Variants in CACNA2D3 observed in about 807,000 individuals in gnomAD.
The protein encoded by CACNA2D3 is calcium voltage-gated channel auxiliary subunit alpha2delta 3.
Under a neutral mutation model 160.6 loss-of-function variants are expected in CACNA2D3, and 60 were observed. The ratio of observed to expected loss-of-function variants is 0.37; its 90% CI spans 0.30 to 0.46. CACNA2D3 has a LOEUF of 0.46. Among genes scored for constraint, CACNA2D3 ranks in the 20% least tolerant of loss-of-function variants. The pLI is 1.00. For missense variants in CACNA2D3, 1,205 were observed against 1,365.0 expected, an observed-to-expected ratio of 0.88 and a Z score of 1.85; for synonymous variants, 558 against 492.9, an observed-to-expected ratio of 1.13 and a Z score of -1.75.
At chr3:54,427,402 G>C (rs1169870892) in intron 4 of CACNA2D3, among the ~76,000 whole-genome samples, 2 of 152,058 alleles carry the variant, frequency 1.3e-5, no homozygotes, top group Non-Finnish European at 2.9e-5. Flanking sequence ...ATCATGCTTG[G>C]TGTGCACTCC....
intron 27 of CACNA2D3, among the ~76,000 whole-genome samples, chr3:54,939,479 G>C (rs1290058483): frequency 1.3e-5 from 2 of 152,200 alleles, no homozygotes; most frequent in Non-Finnish European, 2.9e-5. Flanking sequence ...CACCTTTGTA[G>C]GTTCCCGCTG....
intron 17 of CACNA2D3, among the ~76,000 whole-genome samples, chr3:54,848,449 T>C (rs988925699): frequency 6.6e-6 from 1 of 152,212 alleles, no homozygotes; most frequent in Non-Finnish European, 1.5e-5. Context: ...ATATTCTGTT[T>C]GTGAGAACCC....
intron 13 of CACNA2D3, among the ~76,000 whole-genome samples, chr3:54,809,575 C>T (rs1396566346): frequency 3.3e-5 from 5 of 150,168 alleles, no homozygotes; most frequent in African/African-American, 1.3e-4. Context: ...GCCTCGGCCT[C>T]CCAAAGTGCT....
chr3:54,958,430 T>C (rs1701955068), intron 27 of CACNA2D3, among the ~76,000 whole-genome samples: 1 of 152,114 alleles, frequency 6.6e-6, no homozygotes, highest in African/African-American at 2.4e-5. Flanking sequence ...AAAGTCAGTT[T>C]ATTCCCTACA....
chr3:54,753,871 G>C (rs1401047240), intron 12 of CACNA2D3, among the ~76,000 whole-genome samples: 2 of 152,050 alleles, frequency 1.3e-5, no homozygotes, highest in Non-Finnish European at 2.9e-5. Context: ...TTATTTATTT[G>C]TGATGAGAAT....
In CACNA2D3 at chr3:54,885,593, A is replaced by G. The variant is rs1699904779; in HGVS notation, c.2056+7A>G. 6.2e-7 allele frequency: 1 copy of G among 1,606,078 alleles called. No individual in the cohort carries two copies. The highest frequency in any genetic ancestry group is 8.5e-7 in the Non-Finnish European group (1 of 1,174,188). ...AAAGAACCTCTGCTCCAGTGTGAGT[A>G]TGCTTTCAAAAGTGTGCTGTGCCTT... On this transcript the variant is annotated splice_region_variant and intron_variant, in intron 23 of 37. Coordinates refer to ENST00000474759, the MANE Select transcript of CACNA2D3 (RefSeq NM_018398.3).
chr3:54,587,383 C>T (rs1488538214), intron 9 of CACNA2D3, among the ~76,000 whole-genome samples: 6 of 151,934 alleles, frequency 3.9e-5, no homozygotes, highest in Admixed American at 3.9e-4. Context: ...ATTGTGAAAC[C>T]CTGTCTCTAC....
intron 9 of CACNA2D3, among the ~76,000 whole-genome samples, chr3:54,598,489 A>C (rs1474024192): frequency 1.3e-5 from 2 of 152,140 alleles, no homozygotes; most frequent in Non-Finnish European, 2.9e-5. Flanking sequence ...AATAATAATG[A>C]TGATGAGTGC....
At chr3:54,871,429 C>G (rs1035922485) in intron 17 of CACNA2D3, 110 bp from the exon 18 acceptor site, 2 of 739,264 alleles carry the variant, frequency 2.7e-6, no homozygotes, top group Non-Finnish European at 4.5e-6. Context: ...CCTCATCGGT[C>G]CACTCCCAAG....
Position 54,226,098 on chromosome 3 carries a change from T to G in CACNA2D3, c.205-94344T>G, listed in dbSNP as rs1324814996. Among the ~76,000 whole-genome samples, 4 of 152,216 alleles carry G rather than the reference T, an allele frequency of 2.6e-5. No homozygotes were observed. The East Asian group carries it at 7.7e-4, about 29-fold the overall frequency. ...GTTTACCAGCGTTTCTCAATGTCATTGGCACTGAACTCCAGTGTTTTTCTC... is the reference window on the plus strand; with the variant it reads ...GTTTACCAGCGTTTCTCAATGTCATGGGCACTGAACTCCAGTGTTTTTCTC... On this transcript the variant is annotated intron_variant, in intron 2 of 37. Transcript: ENST00000474759.
intron 4 of CACNA2D3, among the ~76,000 whole-genome samples, chr3:54,446,206 T>C (rs754179101): frequency 2.3e-4 from 35 of 152,354 alleles, no homozygotes; most frequent in Admixed American, 1.3e-4. Flanking sequence ...TCCTAACGAA[T>C]ATGCTGTCTT....
intron 9 of CACNA2D3, among the ~76,000 whole-genome samples, chr3:54,587,652 G>T (rs1330239971): frequency 6.6e-6 from 1 of 152,134 alleles, no homozygotes; most frequent in Non-Finnish European, 1.5e-5. Context: ...TGAACCTGCA[G>T]TCATTAAAAG....
intron 9 of CACNA2D3, among the ~76,000 whole-genome samples, chr3:54,599,034 C>T (rs1703014773): frequency 6.6e-6 from 1 of 152,184 alleles, no homozygotes. Context: ...GAAAATGCAA[C>T]TAGCAAGAGG....
At chr3:55,018,093 A>C (rs1703367083) in intron 34 of CACNA2D3, 113 bp from the exon 35 acceptor site, 1 of 676,142 alleles carries the variant, frequency 1.5e-6, no homozygotes, top group African/African-American at 1.8e-5. Context: ...GTGCTAGAAA[A>C]ATCACAGAGC....
chr3:54,750,002 A>C (rs1701828809), intron 11 of CACNA2D3, among the ~76,000 whole-genome samples: 1 of 152,338 alleles, frequency 6.6e-6, no homozygotes, highest in Middle Eastern at 3.4e-3. Context: ...GATGGTTTTC[A>C]TTATTATGGT....
At position 54,230,877 on chromosome 3, in the gene CACNA2D3, C is replaced by T. The variant is rs549864465; in HGVS notation, c.205-89565C>T. 1.5e-4 allele frequency among the ~76,000 whole-genome samples: 23 copies of T among 152,242 alleles called. No homozygotes were observed. In the South Asian group the frequency reaches 1.7e-3, roughly 11 times the overall value. ...CTTTGCTGCTTAATAGGACAAAATA[C>T]ATAAAGATTAATTAAATGATCAAAA... On this transcript the variant is annotated intron_variant, in intron 2 of 37. Transcript: ENST00000474759.
chr3:54,204,801 A>G (rs74738810), intron 2 of CACNA2D3, among the ~76,000 whole-genome samples: 35,067 of 133,342 alleles, frequency 0.26, 5,466 homozygotes, highest in African/African-American at 0.45. Context: ...GTCTTGAAAA[A>G]AAAAAAAAAA....
chr3:54,436,423 A>G (rs1444935093), intron 4 of CACNA2D3, among the ~76,000 whole-genome samples: 5 of 152,212 alleles, frequency 3.3e-5, no homozygotes, highest in Admixed American at 3.3e-4. Context: ...CAATGCCATT[A>G]CTGGGTATAT....
At chr3:54,910,868 A>C (rs1429630061) in intron 27 of CACNA2D3, among the ~76,000 whole-genome samples, 1 of 152,226 alleles carries the variant, frequency 6.6e-6, no homozygotes, top group African/African-American at 2.4e-5. Flanking sequence ...TTTTCTAGTT[A>C]GTCCAAAACC....
Sources: gnomAD v4.1 joint callset for allele counts (sites outside exome capture counted in the v4.1 genomes callset) on GRCh38, gnomAD v4.1.1 for gene constraint, MANE v1.5 for transcripts, NCBI Gene and HGNC (gene_info 2026-07-23, HGNC 2026-07-21) for gene names.